LGR6: variants seen among roughly 807,000 people sequenced by gnomAD.
LGR6 encodes the protein leucine rich repeat containing G protein-coupled receptor 6, also known as leucine-rich repeat-containing G protein-coupled receptor 6.
LGR6 carries 45 observed loss-of-function variants against 69.4 expected under a neutral mutation model. The observed-to-expected ratio is 0.65, with a 90% confidence interval of 0.51 to 0.83. The LOEUF (loss-of-function observed/expected upper bound fraction) is 0.83, where lower values mean the gene tolerates loss of function less well. Ranked by LOEUF, LGR6 falls within the 40% of genes least tolerant of loss-of-function variation. The probability of loss-of-function intolerance (pLI) is 0.00; values close to 1 mark genes in which losing one functional copy is unlikely to be tolerated. For missense variants in LGR6, 1,108 were observed against 1,246.7 expected, an observed-to-expected ratio of 0.89 and a Z score of 1.68; for synonymous variants, 538 against 555.0, an observed-to-expected ratio of 0.97 and a Z score of 0.43.
At chr1:202,207,967 A>AT (rs535762347) in intron 1 of LGR6, among the ~76,000 whole-genome samples, 58 of 152,324 alleles carry the variant, frequency 3.8e-4, no homozygotes, top group African/African-American at 1.3e-3. Context: ...GTGGAGATAA[A>AT]TTCTTAGTAA....
chr1:202,194,951 C>A (rs1325969552), intron 1 of LGR6, among the ~76,000 whole-genome samples: 1 of 152,196 alleles, frequency 6.6e-6, no homozygotes, highest in African/African-American at 2.4e-5. Context: ...GGGGACCCTA[C>A]TGGGGGCAGC....
intron 16 of LGR6, among the ~76,000 whole-genome samples, chr1:202,313,709 C>G (rs1477711313): frequency 1.3e-5 from 2 of 152,160 alleles, no homozygotes; most frequent in African/African-American, 4.8e-5. Context: ...AAATTTTTTT[C>G]TAATTGATAC....
intron 6 of LGR6, among the ~76,000 whole-genome samples, chr1:202,293,213 C>T (rs986123533): frequency 1.3e-5 from 2 of 152,168 alleles, no homozygotes; most frequent in African/African-American, 4.8e-5. Context: ...AGAATTACCT[C>T]CAAGTATTGC....
At position 202,305,827 on chromosome 1, in the gene LGR6, G is replaced by A. The variant is rs1009076920; in HGVS notation, c.1136+78G>A. ...GTCCTGTAGGGAGGTGTGATGGGGG[G>A]CATCAGTAAGGGCCAATGCACACTT... On this transcript the variant is annotated intron_variant, in intron 12 of 17. Coordinates refer to ENST00000367278, the MANE Select transcript of LGR6 (RefSeq NM_001017403.2). 2.4e-5 allele frequency: 27 copies of A among 1,116,246 alleles called. No individual in the cohort carries two copies. The African/African-American group carries it at 2.8e-4, about 11-fold the overall frequency. 69.1% of individuals were successfully genotyped at this position (1,116,246 alleles called of 1,614,324 possible).
chr1:202,256,443 A>G (rs1417118091), intron 4 of LGR6, among the ~76,000 whole-genome samples: 1 of 152,094 alleles, frequency 6.6e-6, no homozygotes, highest in African/African-American at 2.4e-5. Flanking sequence ...GGGTTTCACC[A>G]TGTTGGCCAG....
At chr1:202,204,405 AACACACACCACACACACACCTCCAAAC>A (rs1658969264) in intron 1 of LGR6, among the ~76,000 whole-genome samples, 2 of 95,314 alleles carry the variant, frequency 2.1e-5, no homozygotes, top group Admixed American at 1.2e-4. Context: ...CACACCTCCA[AACACACACCACACACACACCTCCAAAC>A]ACACACACAC....
chr1:202,207,088 T>C (rs1329771566), intron 1 of LGR6, among the ~76,000 whole-genome samples: 1 of 152,058 alleles, frequency 6.6e-6, no homozygotes, highest in Non-Finnish European at 1.5e-5. Flanking sequence ...CAGCTAATTT[T>C]TGTATTTTTA....
chr1:202,290,358 T>G (rs1571974551), intron 6 of LGR6, among the ~76,000 whole-genome samples: 1 of 152,342 alleles, frequency 6.6e-6, no homozygotes, highest in East Asian at 1.9e-4. Flanking sequence ...CTTATAAGCA[T>G]CAAAAGAAAC....
chr1:202,201,748 C>G (rs961725829), intron 1 of LGR6, among the ~76,000 whole-genome samples: 2 of 152,218 alleles, frequency 1.3e-5, no homozygotes, highest in African/African-American at 4.8e-5. Flanking sequence ...GCCCCATTTC[C>G]CTCCCATCCA....
At chr1:202,253,492 C>T (rs939233493) in intron 4 of LGR6, among the ~76,000 whole-genome samples, 3 of 149,236 alleles carry the variant, frequency 2.0e-5, no homozygotes, top group Non-Finnish European at 3.0e-5. Flanking sequence ...TTAGTAGAAG[C>T]GGGGGTTTCA....
At chr1:202,247,490 A>C (rs1235170232) in intron 4 of LGR6, among the ~76,000 whole-genome samples, 2 of 152,188 alleles carry the variant, frequency 1.3e-5, no homozygotes. Flanking sequence ...GAAAGTCTCC[A>C]ACCCTTAGAA....
intron 1 of LGR6, chr1:202,194,403 G>A (rs1658554134): frequency 3.4e-6 from 2 of 590,568 alleles, no homozygotes; most frequent in Middle Eastern, 2.6e-4. Context: ...AGGGAGACCG[G>A]GCTTCCCTGA....
chr1:202,313,201 T>C (rs1246692817), intron 16 of LGR6, among the ~76,000 whole-genome samples: 2 of 148,682 alleles, frequency 1.3e-5, no homozygotes, highest in African/African-American at 5.0e-5. Flanking sequence ...CACTCCAGCC[T>C]GGGCAACAGA....
intron 6 of LGR6, among the ~76,000 whole-genome samples, chr1:202,283,117 T>C (rs533397562): frequency 6.6e-6 from 1 of 152,212 alleles, no homozygotes; most frequent in Admixed American, 6.5e-5. Context: ...ATGATGTGTG[T>C]AAAATTCTTA....
chr1:202,318,968 C>A lies in LGR6; in HGVS notation c.2665C>A (p.Pro889Thr). ...GGAAGCTTCTGAAGCTGGGCGGCCC[C>A]CTGGGCTGGAGACCTATGGCTTCCC... ...ILEASEAGRP[P>T]GLETYGFPSV... The change falls in exon 18 of 18, where the codon CCT becomes ACT. Residue 889 changes from proline (P) to threonine (T), a missense_variant. Pro to Thr is a conservative substitution (Grantham distance 38, BLOSUM62 -1). Coordinates refer to ENST00000367278, the MANE Select transcript of LGR6 (RefSeq NM_001017403.2). The A allele has an allele frequency of 1.9e-6, 3 of 1,613,784 alleles. No individual in the cohort carries two copies. Among genetic ancestry groups the A allele is most frequent in the Non-Finnish European group, 2.5e-6 (3 of 1,179,812 alleles).
At chr1:202,304,498 G>A in intron 10 of LGR6, 61 bp from the exon 11 acceptor site, 1 of 1,232,660 alleles carries the variant, frequency 8.1e-7, no homozygotes, top group Non-Finnish European at 1.2e-6. Flanking sequence ...GCTGGAGCGG[G>A]GTGGCTGGGA....
intron 1 of LGR6, among the ~76,000 whole-genome samples, chr1:202,212,881 T>TCC (rs1659516945): frequency 6.6e-6 from 1 of 151,978 alleles, no homozygotes; most frequent in Admixed American, 6.6e-5. Flanking sequence ...TTTGCACAGC[T>TCC]CTGAGGCAGG....
At chr1:202,206,894 TTTA>T (rs1558006104) in intron 1 of LGR6, among the ~76,000 whole-genome samples, 51 of 6,324 alleles carry the variant, frequency 8.1e-3, no homozygotes, top group Admixed American at 0.027. Context: ...AATTATTTTA[TTTA>T]TTTATTTATT....
At chr1:202,235,867 C>T (rs867209340) in intron 3 of LGR6, 55 bp from the exon 4 acceptor site, 1 of 1,535,728 alleles carries the variant, frequency 6.5e-7, no homozygotes, top group Non-Finnish European at 9.0e-7. Flanking sequence ...TCAGCACCCT[C>T]CAGCCAGCTC....
Sources: gnomAD v4.1 joint callset for allele counts (sites outside exome capture counted in the v4.1 genomes callset) on GRCh38, gnomAD v4.1.1 for gene constraint, MANE v1.5 for transcripts, NCBI Gene and HGNC (gene_info 2026-07-23, HGNC 2026-07-21) for gene names.